The following TET2 variants were observed in gnomAD, a reference collection of about 807,000 sequenced individuals.
TET2 encodes the protein tet methylcytosine dioxygenase 2.
A neutral mutation model predicts 142.9 loss-of-function variants in TET2; 299 were observed. The observed-to-expected ratio is 2.09, with a 90% CI of 1.90 to 2.30. The LOEUF (loss-of-function observed/expected upper bound fraction) is 2.30, where lower values mean the gene tolerates loss of function less well. Among genes scored for constraint, TET2 ranks in the 30% most tolerant of loss-of-function variants. The pLI is 0.00. For missense variants in TET2, 2,418 were observed against 2,378.0 expected (o/e 1.02, Z -0.35); for synonymous variants, 819 against 849.0 (o/e 0.96, Z 0.61).
chr4:105,163,806 CGAGA>C (rs59658275), intron 1 of TET2, among the ~76,000 whole-genome samples: 4,497 of 79,286 alleles, frequency 0.057, 112 homozygotes, highest in East Asian at 0.12. Flanking sequence ...TCGAAAGTTT[CGAGA>C]GAGAGAGAGA....
chr4:105,223,665 A>G (rs1377867206), intron 2 of TET2, among the ~76,000 whole-genome samples: 1 of 152,172 alleles, frequency 6.6e-6, no homozygotes, highest in Non-Finnish European at 1.5e-5. Flanking sequence ...GCTATGTCCC[A>G]TGTTGATAGG....
chr4:105,215,468 A>G, intron 2 of TET2, among the ~76,000 whole-genome samples: 1 of 152,210 alleles, frequency 6.6e-6, no homozygotes, highest in East Asian at 1.9e-4. Context: ...TCAGCACATT[A>G]TAATTTTATT....
chr4:105,267,962 A>C (rs948936566), intron 8 of TET2, among the ~76,000 whole-genome samples: 34 of 152,268 alleles, frequency 2.2e-4, no homozygotes, highest in African/African-American at 7.9e-4. Flanking sequence ...ATGGAAAGCC[A>C]AAAGCTAATG....
intron 1 of TET2, among the ~76,000 whole-genome samples, chr4:105,163,979 T>C (rs1320096069): frequency 6.6e-6 from 1 of 152,110 alleles, no homozygotes; most frequent in East Asian, 1.9e-4. Context: ...ATATACATTG[T>C]GAAGTGATTA....
At chr4:105,241,598 G>A (rs1729302457) in intron 4 of TET2, 169 bp downstream of exon 4, 1 of 1,362,012 alleles carries the variant, frequency 7.3e-7, no homozygotes, top group African/African-American at 1.5e-5. Flanking sequence ...TCACCAGAGA[G>A]TCACAATATT....
At chr4:105,157,101 T>C (rs1723606187) in intron 1 of TET2, among the ~76,000 whole-genome samples, 2 of 152,108 alleles carry the variant, frequency 1.3e-5, no homozygotes, top group South Asian at 4.1e-4. Flanking sequence ...ATATACATTA[T>C]AACAGAAGAA....
rs1313142950 is a variant in TET2, at chr4:105,241,427, A to C, written c.3498A>C (p.Glu1166Asp). The change falls in exon 4 of 11, where the codon GAA becomes GAC. Residue 1166 changes from glutamate (E) to aspartate (D), a missense_variant and splice_region_variant. Transcript: ENST00000380013. ...CAGCTATTAGAGAAATCATGGAAGA[A>C]AGGTAATTAACGCAAAGGCACAGGG... ...NVAAIREIME[E>D]RFGQKGKAIR... The C allele has an allele frequency of 6.5e-7, 1 of 1,549,684 alleles. No homozygotes were observed. Among genetic ancestry groups the C allele is most frequent in the Non-Finnish European group, 8.7e-7 (1 of 1,146,458 alleles).
chr4:105,201,261 T>G (rs577894928), intron 2 of TET2, among the ~76,000 whole-genome samples: 27 of 152,280 alleles, frequency 1.8e-4, no homozygotes, highest in Admixed American at 1.0e-3. Context: ...TTATCTCTTC[T>G]TCAAAAAAAA....
rs1245200573 is a variant in TET2, at chr4:105,275,594, G to A, written c.5084G>A (p.Gly1695Asp). The A allele has an allele frequency of 1.9e-6, 3 of 1,551,618 alleles. No homozygotes were observed. Among genetic ancestry groups the A allele is most frequent in the Non-Finnish European group, 2.6e-6 (3 of 1,146,994 alleles). The change falls in exon 11 of 11, where the codon GGT (glycine) becomes GAT (aspartate). Residue 1695 changes from glycine (G) to aspartate (D), a missense_variant. Gly to Asp is a moderately conservative substitution (Grantham distance 94, BLOSUM62 -1). Coordinates refer to ENST00000380013, the MANE Select transcript of TET2 (RefSeq NM_001127208.3). The part of the protein sequence containing the change: ...NSQSFTSKYL[G>D]YGNQNMQGDG... The stretch of plus-strand genomic sequence containing the variant: ...CAGAGTTTTACATCTAAATACTTAG[G>A]TTATGGAAACCAAAATATGCAGGGA...
chr4:105,210,233 T>G (rs1417400740), intron 2 of TET2, among the ~76,000 whole-genome samples: 3 of 152,080 alleles, frequency 2.0e-5, no homozygotes, highest in Non-Finnish European at 4.4e-5. Flanking sequence ...AGTATAGATC[T>G]GAGATTGAAT....
chr4:105,217,069 C>T (rs565624404), intron 2 of TET2, among the ~76,000 whole-genome samples: 3 of 152,030 alleles, frequency 2.0e-5, no homozygotes, highest in Non-Finnish European at 2.9e-5. Flanking sequence ...TTGCCCCTCC[C>T]TGCATTCTCT....
chr4:105,269,640 CGT>C lies in TET2; in HGVS notation c.4076_4077del (p.Arg1359ProfsTer41). On this transcript the variant is annotated frameshift_variant, in exon 9 of 11. Transcript: ENST00000380013. LOFTEE classifies it high-confidence loss of function. ...IEYEHRAPEC[R>X]LGLKEGRPFS... ...ATATGAACACAGAGCACCAGAGTGC[CGT>C]CTGGGTCTGAAGGAAGGCCGTCCAT... is the stretch of plus-strand genomic sequence containing the variant. The C allele has an allele frequency of 6.4e-7, 1 of 1,551,436 alleles. No individual in the cohort carries two copies. The highest frequency in any genetic ancestry group is 8.7e-7 in the Non-Finnish European group (1 of 1,146,900).
At chr4:105,256,227 T>A (rs1052574791) in intron 6 of TET2, among the ~76,000 whole-genome samples, 7 of 152,186 alleles carry the variant, frequency 4.6e-5, no homozygotes, top group African/African-American at 1.7e-4. Flanking sequence ...AGTTCTTAGG[T>A]GTATTTGAGG....
chr4:105,261,734 A>T, intron 7 of TET2, 25 bp from the exon 8 acceptor site: 1 of 1,378,618 alleles, frequency 7.3e-7, no homozygotes. Context: ...AGAATTTAAT[A>T]TGTAGAATTA....
intron 2 of TET2, among the ~76,000 whole-genome samples, chr4:105,204,234 T>C (rs11726380): frequency 0.28 from 35,000 of 125,460 alleles, 5,334 homozygotes; most frequent in Non-Finnish European, 0.35. Context: ...AAAAAATATA[T>C]ACACACACAC....
intron 3 of TET2, chr4:105,241,056 C>A: frequency 9.4e-7 from 1 of 1,063,950 alleles, no homozygotes; most frequent in Non-Finnish European, 1.2e-6. Context: ...AATTCCCTCA[C>A]TGTATTCTTT....
chr4:105,249,074 C>G (rs1303455642), intron 6 of TET2, among the ~76,000 whole-genome samples: 1 of 149,542 alleles, frequency 6.7e-6, no homozygotes, highest in African/African-American at 2.5e-5. Flanking sequence ...GTTGCCCAGG[C>G]TAGGGTGCAA....
intron 1 of TET2, among the ~76,000 whole-genome samples, chr4:105,160,714 T>C (rs1723805897): frequency 1.3e-5 from 2 of 152,180 alleles, no homozygotes; most frequent in Admixed American, 1.3e-4. Flanking sequence ...AAATAAAGGA[T>C]CTTTTCCCAA....
chr4:105,276,480 C>T lies in TET2; in HGVS notation c.5970C>T (p.Ala1990=), dbSNP rs1157986632. Residue 1990 remains alanine, a synonymous_variant, in exon 11 of 11, where the codon GCC becomes GCT. Coordinates refer to ENST00000380013, the MANE Select transcript of TET2 (RefSeq NM_001127208.3). ...CCACAGTAACTACATCTCCATATGC[C>T]TTCACTCGGGTCACAGGGCCTTACA... is the stretch of plus-strand genomic sequence containing the variant. ...TDSTVTTSPY[A]FTRVTGPYNR... is the part of the protein sequence containing the mutation. 6.4e-7 allele frequency: 1 copy of T among 1,551,572 alleles called. No individual in the cohort carries two copies. The highest frequency in any genetic ancestry group is 1.4e-5 in the African/African-American group (1 of 73,020).
Sources: gnomAD v4.1 joint callset for allele counts (sites outside exome capture counted in the v4.1 genomes callset) on GRCh38, gnomAD v4.1.1 for gene constraint, MANE v1.5 for transcripts, NCBI Gene and HGNC (gene_info 2026-07-23, HGNC 2026-07-21) for gene names.